The following MACF1 variants were observed in gnomAD, a reference collection of about 807,000 sequenced individuals.
MACF1 encodes microtubule actin crosslinking factor 1.
In MACF1, 193 loss-of-function variants were observed where a neutral mutation model predicts 854.8. That is an observed-to-expected ratio of 0.23 (90% CI 0.20 to 0.25). MACF1 has a LOEUF of 0.25. Among genes scored for constraint, MACF1 ranks in the 10% least tolerant of loss-of-function variants. MACF1 has a pLI of 1.00. For missense variants in MACF1, 7,722 were observed against 8,929.1 expected, an observed-to-expected ratio of 0.86 and a Z score of 5.45; for synonymous variants, 3,185 against 3,226.7, an observed-to-expected ratio of 0.99 and a Z score of 0.44.
intron 2 of MACF1, among the ~76,000 whole-genome samples, chr1:39,116,806 G>C (rs940101614): frequency 2.6e-5 from 4 of 152,174 alleles, no homozygotes; most frequent in Non-Finnish European, 5.9e-5. Flanking sequence ...TTCCTCACTT[G>C]TGGTCTTTAA....
At chr1:39,362,315 T>C (rs1648265021) in intron 49 of MACF1, among the ~76,000 whole-genome samples, 1 of 152,256 alleles carries the variant, frequency 6.6e-6, no homozygotes. Context: ...CTTCGCTTTA[T>C]CCAGCTTTCT....
chr1:39,175,941 CAAAAAA>C (rs68102262), intron 2 of MACF1, among the ~76,000 whole-genome samples: 3 of 98,566 alleles, frequency 3.0e-5, no homozygotes, highest in Non-Finnish European at 4.0e-5. Flanking sequence ...ACTAAAAATA[CAAAAAA>C]AAAAAAAAAA....
chr1:39,198,606 A>G (rs1393401482), intron 2 of MACF1, among the ~76,000 whole-genome samples: 1 of 148,002 alleles, frequency 6.8e-6, no homozygotes, highest in Non-Finnish European at 1.5e-5. Context: ...AGCTGAGATC[A>G]CGCCATTGCA....
At chr1:39,369,974 T>C (rs1649088217) in intron 50 of MACF1, 56 bp from the exon 51 acceptor site, 2 of 1,529,518 alleles carry the variant, frequency 1.3e-6, no homozygotes, top group South Asian at 2.4e-5. Context: ...TACTCTTAGC[T>C]CAAGTTGACT....
intron 6 of MACF1, among the ~76,000 whole-genome samples, chr1:39,263,764 CTT>C (rs1474395422): frequency 1.0e-5 from 1 of 96,020 alleles, no homozygotes; most frequent in Non-Finnish European, 2.1e-5. Flanking sequence ...CATCTTTTTT[CTT>C]TTTTCTTTTT....
chr1:39,337,561 C>CTT (rs1646835408), intron 38 of MACF1, among the ~76,000 whole-genome samples: 16 of 46,480 alleles, frequency 3.4e-4, no homozygotes, highest in Admixed American at 2.4e-3. Flanking sequence ...TAATTACTAC[C>CTT]ATTTTTTTTT....
chr1:39,453,632 C>T (rs1557663167), intron 87 of MACF1, 75 bp from the exon 88 acceptor site: 2 of 1,273,984 alleles, frequency 1.6e-6, no homozygotes, highest in South Asian at 1.2e-5. Context: ...TGAAATTTAT[C>T]CCCCCTCAGT....
rs748775090 is a variant in MACF1 at position 39,434,574 on chromosome 1, A to G, written c.17726A>G (p.Gln5909Arg). ...GAGGAAACTCGGGCACTAATAGCAC[A>G]GTTACCCTCTCCAGCCATTGATCAT... ...WIEETRALIA[Q>R]LPSPAIDHEQ... Residue 5909 changes from glutamine to arginine, a missense_variant, in exon 69 of 101, where the codon CAG becomes CGG. By Grantham distance (43) the Gln-to-Arg change is conservative. Around this residue, in one of 15 missense-constraint regions of MACF1, gnomAD observed 2,807 missense variants for 3,235.8 expected, o/e 0.87. Coordinates refer to ENST00000564288, the MANE Select transcript of MACF1 (RefSeq NM_001394062.1). 5 of 1,614,092 alleles carry G rather than the reference A, an allele frequency of 3.1e-6. No homozygotes were observed. Among genetic ancestry groups the G allele is most frequent in the Non-Finnish European group, 4.2e-6 (5 of 1,180,036 alleles).
intron 95 of MACF1, among the ~76,000 whole-genome samples, chr1:39,467,520 AAG>A (rs1469575147): frequency 1.3e-5 from 2 of 152,216 alleles, no homozygotes; most frequent in African/African-American, 4.8e-5. Flanking sequence ...TCATTTTGGA[AAG>A]AGGGTAATTT....
chr1:39,305,894 C>T (rs1392590591), intron 23 of MACF1, among the ~76,000 whole-genome samples: 1 of 152,170 alleles, frequency 6.6e-6, no homozygotes, highest in Non-Finnish European at 1.5e-5. Context: ...CATGGACCAC[C>T]ATCCCCACTA....
At chr1:39,257,887 A>C in intron 5 of MACF1, 49 bp from the exon 6 acceptor site, 1 of 1,411,224 alleles carries the variant, frequency 7.1e-7, no homozygotes, top group Non-Finnish European at 9.9e-7. Flanking sequence ...AAATTTAATC[A>C]AAACAAAAAG....
At chr1:39,477,133 T>G (rs55641419) in intron 97 of MACF1, among the ~76,000 whole-genome samples, 1 of 98,918 alleles carries the variant, frequency 1.0e-5, no homozygotes, top group African/African-American at 4.3e-5. Flanking sequence ...TATATATATA[T>G]ATACACACAC....
In MACF1 at chr1:39,360,066, C is replaced by T. The variant is rs1300530917; in HGVS notation, c.12245-727C>T. 1.5e-3 allele frequency among the ~76,000 whole-genome samples: 184 copies of T among 120,268 alleles called. 2 individuals carry two copies. The highest frequency in any genetic ancestry group is 5.4e-3 in the African/African-American group (168 of 31,232). The allele number at this position is 120,268 out of a possible 152,430, so 78.9% of individuals were successfully genotyped here. A position where few individuals can be genotyped will look rare whatever the true frequency, so the allele number is the denominator to read the frequency against. On this transcript the variant is annotated intron_variant, in intron 47 of 100. Transcript: ENST00000564288. The stretch of plus-strand genomic sequence containing the variant: ...ATATATATATATACACACACACACA[C>T]ACACATATGTATATACACACATATA...
chr1:39,406,568 T>G lies in MACF1; in HGVS notation c.15817-15806T>G, dbSNP rs1642708009. ...GCCAACAAGGGGTGAAACCCATCTC[T>G]ACTAAAAATACAAAAAATTAACTGG... On this transcript the variant is annotated intron_variant, in intron 58 of 100. Coordinates refer to ENST00000564288, the MANE Select transcript of MACF1 (RefSeq NM_001394062.1). Among the ~76,000 whole-genome samples the G allele has an allele frequency of 4.6e-5, 7 of 152,064 alleles. No individual in the cohort carries two copies. The South Asian group carries it at 1.5e-3, about 32-fold the overall frequency.
At chr1:39,124,857 C>T (rs1190264113) in intron 2 of MACF1, among the ~76,000 whole-genome samples, 1 of 152,182 alleles carries the variant, frequency 6.6e-6, no homozygotes, top group Non-Finnish European at 1.5e-5. Context: ...AAGTGACTTG[C>T]CTGAGATCAC....
rs890474631 is a variant in MACF1, at chr1:39,242,078, G to C, written c.172-7936G>C. 2.0e-5 allele frequency among the ~76,000 whole-genome samples: 3 copies of C among 152,118 alleles called. No individual in the cohort carries two copies. The South Asian group carries it at 6.2e-4, about 32-fold the overall frequency. On this transcript the variant is annotated intron_variant, in intron 2 of 100. Transcript: ENST00000564288. ...CTTTAAAAAATGGAGGCCGGGTGCA[G>C]TGCTCACGCCTGTAATCCCAGCACT...
chr1:39,169,056 C>T (rs944979645), intron 2 of MACF1, among the ~76,000 whole-genome samples: 1 of 152,224 alleles, frequency 6.6e-6, no homozygotes, highest in African/African-American at 2.4e-5. Context: ...TAACTCTTTT[C>T]TCTTCATCAA....
At chr1:39,397,791 A>G (rs1642331602) in intron 58 of MACF1, among the ~76,000 whole-genome samples, 1 of 152,300 alleles carries the variant, frequency 6.6e-6, no homozygotes, top group African/African-American at 2.4e-5. Flanking sequence ...CACTTTCACC[A>G]TCATAAAGTT....
intron 2 of MACF1, among the ~76,000 whole-genome samples, chr1:39,127,921 T>C (rs1557470643): frequency 6.6e-6 from 1 of 152,238 alleles, no homozygotes; most frequent in Non-Finnish European, 1.5e-5. Context: ...CTCTCTTTTG[T>C]ATTATTACAA....
Sources: gnomAD v4.1 joint callset for allele counts (sites outside exome capture counted in the v4.1 genomes callset) on GRCh38, gnomAD v4.1.1 for gene constraint, gnomAD v4.1.1 regional missense constraint, MANE v1.5 for transcripts, NCBI Gene and HGNC (gene_info 2026-07-23, HGNC 2026-07-21) for gene names.